Variants in FER1L6 observed in about 807,000 individuals in gnomAD.
The protein encoded by FER1L6 is fer-1-like protein 6.
FER1L6 carries 177 observed loss-of-function variants against 219.2 expected under a neutral mutation model. The ratio of observed to expected loss-of-function variants is 0.81; its 90% CI spans 0.71 to 0.91. FER1L6 has a LOEUF of 0.91. FER1L6 is among the 40% of genes least tolerant of loss of function. The pLI, the probability that FER1L6 is intolerant of heterozygous loss-of-function variation, is 0.00. For missense variants in FER1L6, 2,153 were observed against 2,259.9 expected (o/e 0.95, Z 0.96); for synonymous variants, 768 against 824.3 (o/e 0.93, Z 1.17).
In FER1L6 at chr8:123,975,964, C is replaced by A. The variant is rs1014442796; in HGVS notation, c.750C>A (p.Tyr250Ter). 1 of 1,613,908 alleles carries A rather than the reference C, an allele frequency of 6.2e-7. No individual in the cohort carries two copies. The highest frequency in any genetic ancestry group is 1.7e-5 in the Admixed American group (1 of 59,994). Reference sequence around the variant, plus strand: ...GGGCCAGATTCTATGTGAGACTCTACAAAGCAGAAGGGTTGCCCAAAATGA... The same window carrying A: ...GGGCCAGATTCTATGTGAGACTCTAAAAAGCAGAAGGGTTGCCCAAAATGA... ...RPWARFYVRL[Y>*]KAEGLPKMNS... The change falls in exon 9 of 41, where the codon TAC becomes TAA. Residue 250 changes from tyrosine to a stop codon, truncating the protein, a stop_gained. Transcript: ENST00000522917. LOFTEE classifies it high-confidence loss of function.
rs1586654833 is a variant in FER1L6 at position 124,061,869 on chromosome 8, G to A, written c.3165G>A (p.Glu1055=). ...CTCTGCAGGAACTGCCTGAGAACGA[G>A]CTTCTGCACCCGCCACTGAGCATCT... The part of the protein sequence containing the change: ...DAFEVELPEN[E]LLHPPLSICV... The change falls in exon 25 of 41, where the codon GAG becomes GAA. Residue 1055 remains glutamate (E), a synonymous_variant. Transcript: ENST00000522917. 9.3e-6 allele frequency: 15 copies of A among 1,613,620 alleles called. No homozygotes were observed. The highest frequency in any genetic ancestry group is 1.2e-5 in the Non-Finnish European group (14 of 1,179,984).
intron 15 of FER1L6, chr8:124,014,516 A>G (rs1373180158): frequency 1.3e-5 from 2 of 152,678 alleles, no homozygotes; most frequent in African/African-American, 4.8e-5. Flanking sequence ...CTGATAGGAA[A>G]ATTTAAAGAG....
chr8:124,095,050 G>C lies in FER1L6; in HGVS notation c.4695+12G>C. 2 of 1,613,894 alleles carry C rather than the reference G, an allele frequency of 1.2e-6. No individual in the cohort carries two copies. The highest frequency in any genetic ancestry group is 4.5e-5 in the East Asian group (2 of 44,844). On this transcript the variant is annotated intron_variant, in intron 35 of 40. Transcript: ENST00000522917. ...CAGGAATGGAGCAGGTAGTGGGCAA[G>C]ACTATTCTGGCCCTAAAAGTTAATC...
chr8:123,930,555 T>G (rs1813728811), intron 1 of FER1L6, among the ~76,000 whole-genome samples: 1 of 152,112 alleles, frequency 6.6e-6, no homozygotes, highest in Non-Finnish European at 1.5e-5. Context: ...TGGACACTCA[T>G]GACTTGGATG....
chr8:124,027,698 G>A (rs1261277821), intron 18 of FER1L6, among the ~76,000 whole-genome samples: 2 of 152,102 alleles, frequency 1.3e-5, no homozygotes, highest in East Asian at 1.9e-4. Flanking sequence ...TAGCTAGGTC[G>A]ACAGGCATGT....
intron 8 of FER1L6, 99 bp downstream of exon 8, chr8:123,975,405 A>G: frequency 8.5e-7 from 1 of 1,170,406 alleles, no homozygotes; most frequent in Non-Finnish European, 1.2e-6. Flanking sequence ...CATGAGAACC[A>G]TGCTTCTTCT....
rs138632110 is a variant in FER1L6, at chr8:123,879,112, A to G, written c.-8+26927A>G. ...TCAATAGGCCAGACCAGGCTGGAAAACACAGCAAGGCTCCATCTCTACACA... is the reference window on the plus strand; with the variant it reads ...TCAATAGGCCAGACCAGGCTGGAAAGCACAGCAAGGCTCCATCTCTACACA... On this transcript the variant is annotated intron_variant, in intron 1 of 40. Transcript: ENST00000522917. Among the ~76,000 whole-genome samples the G allele has an allele frequency of 4.6e-3, 695 of 152,284 alleles. 6 individuals carry two copies. The highest frequency in any genetic ancestry group is 0.016 in the African/African-American group (661 of 41,556).
At chr8:124,082,793 C>T (rs1014101101) in intron 33 of FER1L6, among the ~76,000 whole-genome samples, 1 of 152,162 alleles carries the variant, frequency 6.6e-6, no homozygotes, top group Non-Finnish European at 1.5e-5. Flanking sequence ...TAATATAATA[C>T]AAATGCCAGC....
intron 12 of FER1L6, among the ~76,000 whole-genome samples, chr8:124,000,741 C>T (rs1335900138): frequency 6.6e-6 from 1 of 152,148 alleles, no homozygotes; most frequent in Non-Finnish European, 1.5e-5. Context: ...AAGAGCATTC[C>T]ATCACAGAAG....
At chr8:124,101,830 A>G (rs1822559932) in intron 38 of FER1L6, among the ~76,000 whole-genome samples, 1 of 152,226 alleles carries the variant, frequency 6.6e-6, no homozygotes, top group Non-Finnish European at 1.5e-5. Flanking sequence ...ACATGTGTCC[A>G]AAGTGGTCAG....
In FER1L6 at chr8:123,918,619, T is replaced by C. The variant is rs147619950; in HGVS notation, c.-7-37373T>C. Among the ~76,000 whole-genome samples the C allele has an allele frequency of 3.9e-3, 600 of 152,112 alleles. 4 individuals carry two copies. Among genetic ancestry groups the C allele is most frequent in the African/African-American group, 0.014 (566 of 41,484 alleles). On this transcript the variant is annotated intron_variant, in intron 1 of 40. Coordinates refer to ENST00000522917, the MANE Select transcript of FER1L6 (RefSeq NM_001039112.2). ...TGAGGTTTAGCTGAAGTCTTGAGAC[T>C]TCAATCTCATGGCACAATCAAAGAA...
chr8:123,865,954 G>C (rs536538742), intron 1 of FER1L6, among the ~76,000 whole-genome samples: 1 of 151,334 alleles, frequency 6.6e-6, no homozygotes, highest in South Asian at 2.1e-4. Context: ...CGTCGCTCAC[G>C]CTGGGAGCTG....
intron 33 of FER1L6, among the ~76,000 whole-genome samples, chr8:124,083,326 G>A (rs2130917742): frequency 6.6e-6 from 1 of 152,218 alleles, no homozygotes; most frequent in South Asian, 2.1e-4. Flanking sequence ...GTGAGAACAT[G>A]CAAAGTTTGT....
intron 32 of FER1L6, among the ~76,000 whole-genome samples, chr8:124,080,490 G>T (rs914000626): frequency 7.9e-5 from 12 of 152,016 alleles, no homozygotes; most frequent in Admixed American, 2.6e-4. Flanking sequence ...GCTAATTTTT[G>T]TATTTTTAGT....
chr8:123,885,059 G>A (rs903404860), intron 1 of FER1L6, among the ~76,000 whole-genome samples: 10 of 152,160 alleles, frequency 6.6e-5, no homozygotes, highest in Non-Finnish European at 8.8e-5. Flanking sequence ...CTGGAGTGAT[G>A]CACCTGCAAG....
chr8:123,958,265 G>A (rs184922405), intron 2 of FER1L6, among the ~76,000 whole-genome samples: 3 of 152,256 alleles, frequency 2.0e-5, no homozygotes, highest in South Asian at 2.1e-4. Context: ...TTGCCCCTCC[G>A]GATCTATTCT....
At chr8:123,934,318 G>A (rs1813898729) in intron 1 of FER1L6, among the ~76,000 whole-genome samples, 1 of 152,140 alleles carries the variant, frequency 6.6e-6, no homozygotes, top group African/African-American at 2.4e-5. Flanking sequence ...GGGAATTTAT[G>A]TCTTTGGTCC....
At chr8:123,939,466 C>T (rs191298781) in intron 1 of FER1L6, among the ~76,000 whole-genome samples, 97 of 152,156 alleles carry the variant, frequency 6.4e-4, no homozygotes, top group African/African-American at 2.3e-3. Flanking sequence ...GAGATTTATT[C>T]GGGGAGCATA....
intron 26 of FER1L6, among the ~76,000 whole-genome samples, chr8:124,065,203 G>A (rs994743854): frequency 6.6e-6 from 1 of 151,742 alleles, no homozygotes; most frequent in African/African-American, 2.4e-5. Context: ...AGACCAGCCT[G>A]GCCAACATGC....
Sources: gnomAD v4.1 joint callset for allele counts (sites outside exome capture counted in the v4.1 genomes callset) on GRCh38, gnomAD v4.1.1 for gene constraint, MANE v1.5 for transcripts, NCBI Gene and HGNC (gene_info 2026-07-23, HGNC 2026-07-21) for gene names.